Variants in TIE1 observed in about 807,000 individuals in gnomAD.
The protein encoded by TIE1 is tyrosine kinase with immunoglobulin like and EGF like domains 1, also known as tyrosine-protein kinase receptor Tie-1.
TIE1 carries 89 observed loss-of-function variants against 130.5 expected under a neutral mutation model. The observed-to-expected ratio is 0.68, with a 90% confidence interval of 0.57 to 0.81. The LOEUF (loss-of-function observed/expected upper bound fraction) is 0.81. Among genes scored for constraint, TIE1 ranks in the 40% least tolerant of loss-of-function variants. The pLI is 0.00. For missense variants in TIE1, 1,392 were observed against 1,559.8 expected (o/e 0.89, Z 1.81); for synonymous variants, 568 against 629.4 (o/e 0.90, Z 1.46).
At chr1:43,310,996 A>C (rs988194853) in intron 9 of TIE1, among the ~76,000 whole-genome samples, 3 of 152,166 alleles carry the variant, frequency 2.0e-5, no homozygotes, top group African/African-American at 7.2e-5. Flanking sequence ...TCTGGAGAGA[A>C]AAAGTTGAGG....
rs1224411970 is a variant in TIE1, at chr1:43,313,646, C to T, written c.2219-132C>T. 1.1e-5 allele frequency: 12 copies of T among 1,125,038 alleles called. No individual in the cohort carries two copies. The highest frequency in any genetic ancestry group is 1.6e-5 in the African/African-American group (1 of 63,748). 69.7% of individuals were successfully genotyped at this position (1,125,038 alleles called of 1,614,324 possible). On this transcript the variant is annotated intron_variant, in intron 13 of 22. Coordinates refer to ENST00000372476, the MANE Select transcript of TIE1 (RefSeq NM_005424.5). This position sits in a 1 kb window ranked among gnomAD's most constrained non-coding sequence, Gnocchi z 6.2. ...CTCTGACACCCCTCATCCCTTCCTT[C>T]ATGTGGCCCAAGTGATTTCCTGACA... is the stretch of plus-strand genomic sequence containing the variant.
intron 1 of TIE1, 43 bp downstream of exon 1, chr1:43,301,172 G>T: frequency 6.3e-7 from 1 of 1,593,232 alleles, no homozygotes; most frequent in Non-Finnish European, 8.5e-7. Context: ...TAGGCCCCGA[G>T]GCCCTGATTT....
chr1:43,319,771 A>G lies in TIE1; in HGVS notation c.3107+242A>G. ...AGGTAGTTTCGGATTATGTTTGTGTAAGTGACGGGGGATGCCTTGGAGAGG... is the reference window on the plus strand; with the variant it reads ...AGGTAGTTTCGGATTATGTTTGTGTGAGTGACGGGGGATGCCTTGGAGAGG... On this transcript the variant is annotated intron_variant, in intron 19 of 22. Coordinates refer to ENST00000372476, the MANE Select transcript of TIE1 (RefSeq NM_005424.5). This position sits in a 1 kb window ranked among gnomAD's most constrained non-coding sequence, Gnocchi z 4.7. The G allele has an allele frequency of 1.9e-6, 1 of 539,392 alleles. No homozygotes were observed. The highest frequency in any genetic ancestry group is 3.4e-6 in the Non-Finnish European group (1 of 297,956). The allele number at this position is 539,392 out of a possible 1,614,324, so 33.4% of individuals were successfully genotyped here. A position where few individuals can be genotyped will look rare whatever the true frequency, so the allele number is the denominator to read the frequency against.
chr1:43,304,994 C>A lies in TIE1; in HGVS notation c.202C>A (p.Arg68Ser). The A allele has an allele frequency of 2.0e-6, 3 of 1,517,554 alleles. No individual in the cohort carries two copies. The highest frequency in any genetic ancestry group is 2.4e-5 in the East Asian group (1 of 42,246). The allele number at this position is 1,517,554 out of a possible 1,614,324, so 94.0% of individuals were successfully genotyped here. A position where few individuals can be genotyped will look rare whatever the true frequency, so the allele number is the denominator to read the frequency against. Residue 68 changes from arginine to serine, a missense_variant, in exon 2 of 23, where the codon CGT becomes AGT. Around this residue, in one of 6 missense-constraint regions of TIE1, gnomAD observed 415 missense variants for 424.8 expected, o/e 0.98. Transcript: ENST00000372476. ...GCCCCTGCTGCTGGAGAAGGACGAC[C>A]GTATCGTGCGCACCCCGCCCGGGCC... ...GPPLLLEKDD[R>S]IVRTPPGPPL...
rs910177564 is a variant in TIE1, at chr1:43,312,500, G to A, written c.1826G>A (p.Gly609Glu). ...SPQARTALLT[G>E]LTPGTHYQLD... Reference sequence around the variant, plus strand: ...CAGGCCCGCACTGCCCTCCTGACGGGACTCACGCCTGGCACCCACTACCAG... The same window carrying A: ...CAGGCCCGCACTGCCCTCCTGACGGAACTCACGCCTGGCACCCACTACCAG... The change falls in exon 12 of 23, where the codon GGA (glycine) becomes GAA (glutamate). Residue 609 changes from glycine to glutamate, a missense_variant. Gly to Glu is a moderately conservative substitution (Grantham distance 98). This residue lies in a region of TIE1 where 551 missense variants were observed against 565.5 expected (regional missense o/e 0.97). Transcript: ENST00000372476. The surrounding 1 kb of genome is among the most constrained non-coding windows in gnomAD (Gnocchi z 5.6). 3 of 1,612,944 alleles carry A rather than the reference G, an allele frequency of 1.9e-6. No homozygotes were observed. In the Admixed American group the frequency reaches 5.0e-5, roughly 27 times the overall value.
Position 43,322,912 on chromosome 1 carries a change from T to A in TIE1, c.*190T>A. 1.7e-6 allele frequency: 1 copy of A among 577,432 alleles called. No homozygotes were observed. Among genetic ancestry groups the A allele is most frequent in the Non-Finnish European group, 3.1e-6 (1 of 323,180 alleles). 35.8% of individuals were successfully genotyped at this position (577,432 alleles called of 1,614,324 possible). A position where few individuals can be genotyped will look rare whatever the true frequency, so the allele number is the denominator to read the frequency against. ...TGGGTTCCCATGCTTTGTAGGTGTCTCATAGCTATCCTGGGCATCCTTCTT... is the reference window on the plus strand; with the variant it reads ...TGGGTTCCCATGCTTTGTAGGTGTCACATAGCTATCCTGGGCATCCTTCTT... On this transcript the variant is annotated 3_prime_UTR_variant, in exon 23 of 23. Coordinates refer to ENST00000372476, the MANE Select transcript of TIE1 (RefSeq NM_005424.5). This position sits in a 1 kb window ranked among gnomAD's most constrained non-coding sequence, Gnocchi z 4.0.
At chr1:43,308,072 T>G (rs1361907818) in intron 7 of TIE1, 148 bp downstream of exon 7, 1 of 1,250,802 alleles carries the variant, frequency 8.0e-7, no homozygotes, top group Non-Finnish European at 1.1e-6. Context: ...GACAGGGAGC[T>G]CTGGCAGGGA....
Position 43,307,771 on chromosome 1 carries a change from C to T in TIE1, c.914-25C>T. On this transcript the variant is annotated intron_variant, in intron 6 of 22. Coordinates refer to ENST00000372476, the MANE Select transcript of TIE1 (RefSeq NM_005424.5). This position sits in a 1 kb window ranked among gnomAD's most constrained non-coding sequence, Gnocchi z 5.4. ...TCATTGCCCCCTGTCCCATGCCCCT[C>T]TAATCATACCTCCTCTATTCCCAGC... 3 of 1,613,912 alleles carry T rather than the reference C, an allele frequency of 1.9e-6. No individual in the cohort carries two copies. The highest frequency in any genetic ancestry group is 2.5e-6 in the Non-Finnish European group (3 of 1,179,844).
chr1:43,311,969 T>C (rs374477962), intron 10 of TIE1, 25 bp from the exon 11 acceptor site: 419 of 1,566,298 alleles, frequency 2.7e-4, no homozygotes, highest in Non-Finnish European at 3.1e-4. Flanking sequence ...GGCTGAATAA[T>C]GTGTGCTTTA....
chr1:43,305,068 C>T lies in TIE1; in HGVS notation c.276C>T (p.Gly92=). 6.2e-7 allele frequency: 1 copy of T among 1,610,348 alleles called. No homozygotes were observed. Among genetic ancestry groups the T allele is most frequent in the South Asian group, 1.1e-5 (1 of 90,828 alleles). The change falls in exon 2 of 23, where the codon GGC becomes GGT. Residue 92 remains glycine (G), a synonymous_variant. Transcript: ENST00000372476. Reference sequence around the variant, plus strand: ...GTTCGCACCAGGTCACGCTTCGCGGCTTCTCCAAGCCCTCGGACCTCGTGG... The same window carrying T: ...GTTCGCACCAGGTCACGCTTCGCGGTTTCTCCAAGCCCTCGGACCTCGTGG... ...RNGSHQVTLR[G]FSKPSDLVGV...
At chr1:43,305,195 G>T in intron 2 of TIE1, 30 bp downstream of exon 2, 1 of 1,613,850 alleles carries the variant, frequency 6.2e-7, no homozygotes, top group Non-Finnish European at 8.5e-7. Flanking sequence ...GGATGGCGCG[G>T]GGAAAACCAG....
At position 43,319,778 on chromosome 1, in the gene TIE1, G is replaced by A. The variant is rs562223127; in HGVS notation, c.3107+249G>A. On this transcript the variant is annotated intron_variant, in intron 19 of 22. Transcript: ENST00000372476. The surrounding 1 kb of genome is among the most constrained non-coding windows in gnomAD (Gnocchi z 4.7). Reference sequence around the variant, plus strand: ...TTCGGATTATGTTTGTGTAAGTGACGGGGGATGCCTTGGAGAGGTTTGGGA... The same window carrying A: ...TTCGGATTATGTTTGTGTAAGTGACAGGGGATGCCTTGGAGAGGTTTGGGA... The A allele has an allele frequency of 2.3e-5, 12 of 528,026 alleles. No individual in the cohort carries two copies. Among genetic ancestry groups the A allele is most frequent in the African/African-American group, 1.5e-4 (8 of 52,402 alleles). The allele number at this position is 528,026 out of a possible 1,614,324, so 32.7% of individuals were successfully genotyped here.
rs1646707794 is a variant in TIE1 at position 43,304,854 on chromosome 1, C to T, written c.62C>T (p.Ala21Val). The T allele has an allele frequency of 7.1e-7, 1 of 1,418,204 alleles. No individual in the cohort carries two copies. Among genetic ancestry groups the T allele is most frequent in the South Asian group, 1.5e-5 (1 of 65,654 alleles). 87.9% of individuals were successfully genotyped at this position (1,418,204 alleles called of 1,614,324 possible). ...GTCACTGGTGTCCTGGCCCCAGGCG[C>T]GGCGGTGGACCTGACGCTGCTGGCC... ...PILFLASHVG[A>V]AVDLTLLANL... Residue 21 changes from alanine to valine, a missense_variant, in exon 2 of 23, where the codon GCG becomes GTG. Ala to Val is a moderately conservative substitution (Grantham distance 64). Transcript: ENST00000372476.
At chr1:43,321,859 C>G in intron 22 of TIE1, 144 bp downstream of exon 22, 2 of 768,518 alleles carry the variant, frequency 2.6e-6, no homozygotes, top group Non-Finnish European at 4.2e-6. Flanking sequence ...AGGCTGGGCC[C>G]CAGGATGCAG....
Position 43,317,470 on chromosome 1 carries a change from C to A in TIE1, c.2620+61C>A. ...TCTCCTTTGTCCCACAAATCCCAGG[C>A]CCCACCTGGCTTCCTCCAGCAATTG... On this transcript the variant is annotated intron_variant, in intron 15 of 22. Transcript: ENST00000372476. The surrounding 1 kb of genome is among the most constrained non-coding windows in gnomAD (Gnocchi z 5.1). 6.2e-7 allele frequency: 1 copy of A among 1,607,218 alleles called. No homozygotes were observed.
At chr1:43,311,205 T>C (rs374205137) in intron 9 of TIE1, among the ~76,000 whole-genome samples, 34 of 152,252 alleles carry the variant, frequency 2.2e-4, no homozygotes, top group African/African-American at 7.9e-4. Context: ...TGCAGGGTAA[T>C]GTGCCCTGAC....
At position 43,315,962 on chromosome 1, in the gene TIE1, G is replaced by A. The variant is rs1397324589; in HGVS notation, c.2410-1237G>A. Among the ~76,000 whole-genome samples, 2 of 152,230 alleles carry A rather than the reference G, an allele frequency of 1.3e-5. No homozygotes were observed. The highest frequency in any genetic ancestry group is 1.3e-4 in the Admixed American group (2 of 15,286). On this transcript the variant is annotated intron_variant, in intron 14 of 22. Coordinates refer to ENST00000372476, the MANE Select transcript of TIE1 (RefSeq NM_005424.5). The surrounding 1 kb of genome is among the most constrained non-coding windows in gnomAD (Gnocchi z 4.4). ...TGGTCCCAACTACTCGGGAGGCTGA[G>A]GTGGGAGGATTGCCTGTGCCCAAAA...
Position 43,307,115 on chromosome 1 carries a change from T to A in TIE1, c.641-27T>A. Reference sequence around the variant, plus strand: ...TCCTCAGTGGTCAGGTGGGTGAGGGTCAGCTGCTGAAGACACCTTCCTCCA... The same window carrying A: ...TCCTCAGTGGTCAGGTGGGTGAGGGACAGCTGCTGAAGACACCTTCCTCCA... On this transcript the variant is annotated intron_variant, in intron 4 of 22. Transcript: ENST00000372476. The surrounding 1 kb of genome is among the most constrained non-coding windows in gnomAD (Gnocchi z 5.4). 1 of 1,613,716 alleles carries A rather than the reference T, an allele frequency of 6.2e-7. No individual in the cohort carries two copies. The highest frequency in any genetic ancestry group is 8.5e-7 in the Non-Finnish European group (1 of 1,179,918).
rs1646895608 is a variant in TIE1 at position 43,319,826 on chromosome 1, G to A, written c.3107+297G>A. 2.4e-6 allele frequency: 1 copy of A among 418,304 alleles called. No individual in the cohort carries two copies. Among genetic ancestry groups the A allele is most frequent in the Non-Finnish European group, 4.5e-6 (1 of 224,480 alleles). 25.9% of individuals were successfully genotyped at this position (418,304 alleles called of 1,614,324 possible). A position where few individuals can be genotyped will look rare whatever the true frequency, so the allele number is the denominator to read the frequency against. ...GGAATGCTGGCGGATGCTTCCTGAG[G>A]TAGATGGAGAGGCCACTCAGGAATT... On this transcript the variant is annotated intron_variant, in intron 19 of 22. Transcript: ENST00000372476. This position sits in a 1 kb window ranked among gnomAD's most constrained non-coding sequence, Gnocchi z 4.7.
Sources: allele counts gnomAD v4.1 joint callset (sites outside exome capture counted in the v4.1 genomes callset), GRCh38; gene constraint gnomAD v4.1.1; regional missense constraint gnomAD v4.1.1; non-coding constraint Gnocchi (gnomAD v3.1); transcripts MANE v1.5; gene names NCBI Gene and HGNC (gene_info 2026-07-23, HGNC 2026-07-21).